The following DDX18 variants were observed in gnomAD, a reference collection of about 807,000 sequenced individuals.
The protein encoded by DDX18 is ATP-dependent RNA helicase DDX18.
Under a neutral mutation model 73.5 loss-of-function variants are expected in DDX18, and 23 were observed. The observed-to-expected ratio is 0.31, with a 90% confidence interval of 0.23 to 0.44. DDX18 has a LOEUF of 0.44. Among genes scored for constraint, DDX18 ranks in the 20% least tolerant of loss-of-function variants. The probability of loss-of-function intolerance (pLI) is 1.00; values close to 1 mark genes in which losing one functional copy is unlikely to be tolerated. For missense variants in DDX18, 753 were observed against 792.9 expected, an observed-to-expected ratio of 0.95 and a Z score of 0.60; for synonymous variants, 268 against 282.7, an observed-to-expected ratio of 0.95 and a Z score of 0.52.
At position 117,829,468 on chromosome 2, in the gene DDX18, T is replaced by C. The variant is rs1380087845; in HGVS notation, c.1870+2T>C. On this transcript the variant is annotated splice_donor_variant, in intron 13 of 13. Transcript: ENST00000263239. LOFTEE classifies it high-confidence loss of function. Reference sequence around the variant, plus strand: ...AGGTGCCTCCCTTCGTTGATCTGAGTATCCTTTTCTTTAATGAAGTTATCC... The same window carrying C: ...AGGTGCCTCCCTTCGTTGATCTGAGCATCCTTTTCTTTAATGAAGTTATCC... The C allele has an allele frequency of 3.1e-6, 5 of 1,602,854 alleles. No homozygotes were observed. The highest frequency in any genetic ancestry group is 4.2e-6 in the Non-Finnish European group (5 of 1,176,682).
chr2:117,819,768 C>A lies in DDX18; in HGVS notation c.490C>A (p.Pro164Thr), dbSNP rs1399806852. ...TAATGATGAAGATGAGAGTGAGGTGCCCAGTCTGCCCCTGGGACTGACAGG... is the reference window on the plus strand; with the variant it reads ...TAATGATGAAGATGAGAGTGAGGTGACCAGTCTGCCCCTGGGACTGACAGG... ...PDNDEDESEV[P>T]SLPLGLTGAF... Residue 164 changes from proline to threonine, a missense_variant, in exon 3 of 14, where the codon CCC becomes ACC. Around this residue, in one of 3 missense-constraint regions of DDX18, gnomAD observed 345 missense variants for 352.0 expected, o/e 0.98. Transcript: ENST00000263239. The A allele has an allele frequency of 6.3e-7, 1 of 1,594,818 alleles. No homozygotes were observed. The highest frequency in any genetic ancestry group is 1.2e-5 in the South Asian group (1 of 86,844).
At chr2:117,829,109 C>A in intron 12 of DDX18, 104 bp downstream of exon 12, 13 of 1,195,956 alleles carry the variant, frequency 1.1e-5, no homozygotes, top group Non-Finnish European at 1.3e-5. Context: ...CTACCCTGTC[C>A]TAAAGTGAGG....
chr2:117,827,452 A>T (rs998933850), intron 11 of DDX18: 3 of 151,836 alleles, frequency 2.0e-5, no homozygotes, highest in Admixed American at 2.0e-4. Context: ...CTCGTCATAT[A>T]CGTTAGGTAT....
At chr2:117,824,346 A>C (rs1165732700) in intron 7 of DDX18, 1 of 372,584 alleles carries the variant, frequency 2.7e-6, no homozygotes, top group African/African-American at 2.1e-5. Context: ...TATTTTCTTC[A>C]GTTGTTTGTC....
intron 12 of DDX18, 92 bp downstream of exon 12, chr2:117,829,097 G>GTCTA (rs1041131820): frequency 8.0e-7 from 1 of 1,252,018 alleles, no homozygotes; most frequent in African/African-American, 1.5e-5. Context: ...GTCCTTTGAA[G>GTCTA]TCTACCCTGT....
intron 3 of DDX18, among the ~76,000 whole-genome samples, chr2:117,820,329 C>G (rs563145380): frequency 6.6e-6 from 1 of 152,180 alleles, no homozygotes; most frequent in Admixed American, 6.5e-5. Context: ...ATTCGCCCCC[C>G]GAGTAAGAAG....
At position 117,832,164 on chromosome 2, in the gene DDX18, A is replaced by T. The variant is rs1680037509; in HGVS notation, c.*1440A>T. 6.6e-6 allele frequency: 1 copy of T among 152,096 alleles called. No individual in the cohort carries two copies. The highest frequency in any genetic ancestry group is 2.1e-4 in the South Asian group (1 of 4,818). 9.4% of individuals were successfully genotyped at this position (152,096 alleles called of 1,614,324 possible). ...TTTTCTGATTTTTTTTTTCAGAAAT[A>T]ATGTTTTTTAAAAGACAAAAACAAA... On this transcript the variant is annotated 3_prime_UTR_variant, in exon 14 of 14. Coordinates refer to ENST00000263239, the MANE Select transcript of DDX18 (RefSeq NM_006773.4).
intron 13 of DDX18, among the ~76,000 whole-genome samples, chr2:117,829,984 C>A (rs975923375): frequency 2.0e-5 from 3 of 152,170 alleles, no homozygotes; most frequent in Non-Finnish European, 4.4e-5. Context: ...AGGAGTACTT[C>A]CAGTTGCTTC....
rs1267684101 is a variant in DDX18 at position 117,826,626 on chromosome 2, C to G, written c.1635+244C>G. ...ACCTCTGTGTCCCAGCCTCTCCTTT[C>G]CTGTTCCCTCCAGCCCTCTTTGAAA... is the stretch of plus-strand genomic sequence containing the variant. On this transcript the variant is annotated intron_variant, in intron 11 of 13. Coordinates refer to ENST00000263239, the MANE Select transcript of DDX18 (RefSeq NM_006773.4). The G allele has an allele frequency of 2.7e-5, 14 of 517,136 alleles. No individual in the cohort carries two copies. The East Asian group carries it at 4.7e-4, about 17-fold the overall frequency. 32.0% of individuals were successfully genotyped at this position (517,136 alleles called of 1,614,324 possible). A position where few individuals can be genotyped will look rare whatever the true frequency, so the allele number is the denominator to read the frequency against.
At chr2:117,826,115 C>G (rs1365668704) in intron 10 of DDX18, 154 bp from the exon 11 acceptor site, 1 of 442,750 alleles carries the variant, frequency 2.3e-6, no homozygotes, top group Non-Finnish European at 4.0e-6. Flanking sequence ...GATTGCTGGC[C>G]CAGCTTTGTG....
At chr2:117,820,931 C>T (rs910547904) in intron 3 of DDX18, among the ~76,000 whole-genome samples, 1 of 152,040 alleles carries the variant, frequency 6.6e-6, no homozygotes, top group African/African-American at 2.4e-5. Context: ...CTCTCTACCC[C>T]TTGTTTTGTT....
At position 117,831,983 on chromosome 2, in the gene DDX18, A is replaced by G. The variant is rs1468364004; in HGVS notation, c.*1259A>G. The G allele has an allele frequency of 6.6e-6, 1 of 152,256 alleles. No homozygotes were observed. The highest frequency in any genetic ancestry group is 2.4e-5 in the African/African-American group (1 of 41,450). The allele number at this position is 152,256 out of a possible 1,614,324, so 9.4% of individuals were successfully genotyped here. ...AGAGAAAACTGGTAAAGAACATTCC[A>G]GTAGGAAAAGAAAAGAACAATCTTC... On this transcript the variant is annotated 3_prime_UTR_variant, in exon 14 of 14. Coordinates refer to ENST00000263239, the MANE Select transcript of DDX18 (RefSeq NM_006773.4).
chr2:117,822,493 G>T (rs1285054006), intron 7 of DDX18: 2 of 416,656 alleles, frequency 4.8e-6, no homozygotes, highest in Non-Finnish European at 8.9e-6. Flanking sequence ...CTTCACATAG[G>T]TCCTGTCCTC....
intron 8 of DDX18, 33 bp from the exon 9 acceptor site, chr2:117,824,907 T>G (rs1679899966): frequency 5.7e-6 from 9 of 1,570,430 alleles, no homozygotes; most frequent in Non-Finnish European, 6.9e-6. Context: ...TCCACTTGGT[T>G]CATTTGTATC....
chr2:117,822,447 T>C (rs1412307572), intron 7 of DDX18, 186 bp downstream of exon 7: 2 of 531,692 alleles, frequency 3.8e-6, no homozygotes, highest in Non-Finnish European at 6.7e-6. Flanking sequence ...TATAATAGTT[T>C]TGCTGTTTTA....
At chr2:117,829,595 C>G (rs931689533) in intron 13 of DDX18, 129 bp downstream of exon 13, 2 of 881,038 alleles carry the variant, frequency 2.3e-6, no homozygotes, top group East Asian at 2.5e-5. Flanking sequence ...TCACCCTGGT[C>G]GATGTCTGCT....
intron 1 of DDX18, 139 bp from the exon 2 acceptor site, chr2:117,817,305 G>A: frequency 1.2e-6 from 1 of 805,786 alleles, no homozygotes; most frequent in Non-Finnish European, 1.9e-6. Context: ...AAAACTATAA[G>A]TTGTTTTAAT....
chr2:117,817,375 T>C, intron 1 of DDX18, 69 bp from the exon 2 acceptor site: 1 of 1,416,164 alleles, frequency 7.1e-7, no homozygotes, highest in Non-Finnish European at 9.5e-7. Context: ...AGTTCTCATT[T>C]GGGATTTCAG....
chr2:117,823,987 G>C (rs1157543566), intron 7 of DDX18, among the ~76,000 whole-genome samples: 3 of 152,094 alleles, frequency 2.0e-5, no homozygotes, highest in Non-Finnish European at 4.4e-5. Context: ...GAATAAACCT[G>C]ATCCATTTCT....
Sources: allele counts gnomAD v4.1 joint callset (sites outside exome capture counted in the v4.1 genomes callset), GRCh38; gene constraint gnomAD v4.1.1; regional missense constraint gnomAD v4.1.1; transcripts MANE v1.5; gene names NCBI Gene and HGNC (gene_info 2026-07-23, HGNC 2026-07-21).